RMDN2: variants seen among roughly 807,000 people sequenced by gnomAD.
The protein encoded by RMDN2 is regulator of microtubule dynamics protein 2.
RMDN2 carries 61 observed loss-of-function variants against 52.8 expected under a neutral mutation model. That is an observed-to-expected ratio of 1.16 (90% CI 0.94 to 1.43). RMDN2 has a LOEUF of 1.43. Among genes scored for constraint, RMDN2 ranks in the 40% most tolerant of loss-of-function variants. The probability of loss-of-function intolerance (pLI) is 0.00; values close to 1 mark genes in which losing one functional copy is unlikely to be tolerated. For missense variants in RMDN2, 592 were observed against 475.3 expected (o/e 1.25, Z -2.28); for synonymous variants, 180 against 153.1 (o/e 1.18, Z -1.30).
chr2:38,041,659 G>C (rs1326150543), intron 10 of RMDN2, among the ~76,000 whole-genome samples: 1 of 151,876 alleles, frequency 6.6e-6, no homozygotes, highest in Non-Finnish European at 1.5e-5. Flanking sequence ...TATCATGAAT[G>C]GGTGTTGGAT....
chr2:38,017,380 G>A lies in RMDN2; in HGVS notation c.*141G>A. 2 of 1,385,970 alleles carry A rather than the reference G, an allele frequency of 1.4e-6. No homozygotes were observed. Among genetic ancestry groups the A allele is most frequent in the South Asian group, 1.8e-5 (1 of 56,066 alleles). The allele number at this position is 1,385,970 out of a possible 1,614,324, so 85.9% of individuals were successfully genotyped here. ...AGGTAAAGCCATGTTTCTGCAGAAT[G>A]CATTCCACTAGTAGCACTACAAAAT... On this transcript the variant is annotated 3_prime_UTR_variant, in exon 11 of 11. Transcript: ENST00000354545.
At chr2:37,991,005 A>G (rs1417872149) in intron 6 of RMDN2, among the ~76,000 whole-genome samples, 1 of 152,200 alleles carries the variant, frequency 6.6e-6, no homozygotes, top group Non-Finnish European at 1.5e-5. Context: ...AATTACACAT[A>G]GCTTTATTAA....
At chr2:37,994,886 T>G (rs1465789486) in intron 7 of RMDN2, among the ~76,000 whole-genome samples, 1 of 152,172 alleles carries the variant, frequency 6.6e-6, no homozygotes, top group African/African-American at 2.4e-5. Flanking sequence ...CTTCAAAGCA[T>G]TATGCCGAGA....
chr2:38,003,973 G>A lies in RMDN2; in HGVS notation c.1045-18G>A. On this transcript the variant is annotated intron_variant, in intron 8 of 10. Coordinates refer to ENST00000354545, the MANE Select transcript of RMDN2 (RefSeq NM_001170791.3). ...TAATATTGCCCTGTTATTCTCTCAT[G>A]TTTTTCTCTCAAATCAGGCTGAAGA... 6.3e-7 allele frequency: 1 copy of A among 1,590,670 alleles called. No homozygotes were observed. The highest frequency in any genetic ancestry group is 8.6e-7 in the Non-Finnish European group (1 of 1,159,154).
intron 10 of RMDN2, among the ~76,000 whole-genome samples, chr2:38,010,959 C>A (rs989106668): frequency 6.6e-6 from 1 of 152,162 alleles, no homozygotes; most frequent in East Asian, 1.9e-4. Context: ...CACCAGGAGG[C>A]CCCTACCAGT....
At chr2:38,045,436 T>G (rs1412287116) in intron 10 of RMDN2, among the ~76,000 whole-genome samples, 1 of 152,192 alleles carries the variant, frequency 6.6e-6, no homozygotes, top group Non-Finnish European at 1.5e-5. Flanking sequence ...TATGCATATG[T>G]TTTTAATCTT....
At chr2:38,062,776 C>CA (rs1478598138) in intron 10 of RMDN2, among the ~76,000 whole-genome samples, 5 of 120,714 alleles carry the variant, frequency 4.1e-5, no homozygotes, top group Non-Finnish European at 8.0e-5. Flanking sequence ...CCTTCCCCCC[C>CA]CCCACAACAG....
intron 2 of RMDN2, chr2:37,951,732 A>C: frequency 6.2e-7 from 1 of 1,612,658 alleles, no homozygotes; most frequent in Non-Finnish European, 8.5e-7. Flanking sequence ...TGATGCTAAA[A>C]AACATATAAC....
At chr2:37,973,391 C>G (rs1285724803) in intron 2 of RMDN2, among the ~76,000 whole-genome samples, 1 of 152,222 alleles carries the variant, frequency 6.6e-6, no homozygotes, top group Non-Finnish European at 1.5e-5. Flanking sequence ...GTTCCTACAA[C>G]TGTATCATCC....
At chr2:38,041,970 A>G (rs1042275751) in intron 10 of RMDN2, among the ~76,000 whole-genome samples, 12 of 152,124 alleles carry the variant, frequency 7.9e-5, no homozygotes, top group Admixed American at 3.3e-4. Flanking sequence ...GCCTCACAGA[A>G]TGAGTTAGGA....
At chr2:37,922,646 T>A (rs1321299878), upstream of RMDN2, among the ~76,000 whole-genome samples, 1 of 152,224 alleles carries the variant, frequency 6.6e-6, no homozygotes, top group African/African-American at 2.4e-5. Flanking sequence ...AATTATATAG[T>A]GTACACCAGA....
intron 10 of RMDN2, among the ~76,000 whole-genome samples, 188 bp from the exon 11 acceptor site, chr2:38,016,998 A>T (rs189422584): frequency 7.6e-4 from 113 of 149,638 alleles, no homozygotes; most frequent in African/African-American, 2.8e-3. Context: ...GAAAATTATT[A>T]AAAAAAATAA....
chr2:37,951,368 A>G lies in RMDN2; in HGVS notation c.452+21639A>G, dbSNP rs1188252405. The G allele has an allele frequency of 1.9e-6, 3 of 1,613,374 alleles. No homozygotes were observed. The East Asian group carries it at 6.7e-5, about 36-fold the overall frequency. Reference sequence around the variant, plus strand: ...GTCATAAAACATCTTATTCCCCTGTAACACATAAAGTCAATGCAGCCAAAG... The same window carrying G: ...GTCATAAAACATCTTATTCCCCTGTGACACATAAAGTCAATGCAGCCAAAG... On this transcript the variant is annotated intron_variant, in intron 2 of 10. Coordinates refer to ENST00000354545, the MANE Select transcript of RMDN2 (RefSeq NM_001170791.3).
intron 2 of RMDN2, among the ~76,000 whole-genome samples, chr2:37,957,773 T>C (rs1669669317): frequency 6.6e-6 from 1 of 152,194 alleles, no homozygotes; most frequent in South Asian, 2.1e-4. Context: ...TTTTTATGGC[T>C]TTAGGTTTAA....
chr2:38,005,963 G>C (rs537999449), intron 10 of RMDN2, among the ~76,000 whole-genome samples: 1 of 152,064 alleles, frequency 6.6e-6, no homozygotes, highest in Non-Finnish European at 1.5e-5. Flanking sequence ...GTAGGGGATC[G>C]TTTCCCCATT....
At chr2:37,924,332 G>A (rs1666120680), upstream of RMDN2, among the ~76,000 whole-genome samples, 1 of 152,216 alleles carries the variant, frequency 6.6e-6, no homozygotes, top group African/African-American at 2.4e-5. Flanking sequence ...GCTTGAGGCA[G>A]TAATACTCAA....
chr2:37,988,096 G>A (rs751581534), intron 5 of RMDN2, among the ~76,000 whole-genome samples: 1 of 152,156 alleles, frequency 6.6e-6, no homozygotes, highest in African/African-American at 2.4e-5. Context: ...TAATGTAGGG[G>A]CTAGGATAGG....
Position 37,978,652 on chromosome 2 carries a change from C to G in RMDN2, c.731-2631C>G, listed in dbSNP as rs527911137. Among the ~76,000 whole-genome samples the G allele has an allele frequency of 1.2e-3, 178 of 152,216 alleles. 1 individual carries two copies. Among genetic ancestry groups the G allele is most frequent in the African/African-American group, 4.1e-3 (172 of 41,520 alleles). The stretch of plus-strand genomic sequence containing the variant: ...ACCAGCCTGGGCAACATAGGGAGAC[C>G]TTGTCTCTACTAAAAATAACACGAC... On this transcript the variant is annotated intron_variant, in intron 4 of 10. Transcript: ENST00000354545.
chr2:38,021,607 C>A (rs1285066728), downstream of RMDN2, among the ~76,000 whole-genome samples: 1 of 152,070 alleles, frequency 6.6e-6, no homozygotes, highest in Non-Finnish European at 1.5e-5. Flanking sequence ...GAGAACTGTA[C>A]CACTCACCGC....
Sources: gnomAD v4.1 joint callset for allele counts (sites outside exome capture counted in the v4.1 genomes callset) on GRCh38, gnomAD v4.1.1 for gene constraint, MANE v1.5 for transcripts, NCBI Gene and HGNC (gene_info 2026-07-23, HGNC 2026-07-21) for gene names.